The following CYFIP1 variants were observed in gnomAD, a reference collection of about 807,000 sequenced individuals.
CYFIP1 encodes the protein cytoplasmic FMR1-interacting protein 1.
A neutral mutation model predicts 163.5 loss-of-function variants in CYFIP1; 58 were observed. The ratio of observed to expected loss-of-function variants is 0.35; its 90% confidence interval spans 0.29 to 0.44. The LOEUF (loss-of-function observed/expected upper bound fraction) is 0.44. CYFIP1 is among the 20% of genes least tolerant of loss of function. The pLI is 1.00. For synonymous variants in CYFIP1, 663 were observed against 660.7 expected, an observed-to-expected ratio of 1.00 and a Z score of -0.05; for missense variants, 1,338 against 1,653.8, an observed-to-expected ratio of 0.81 and a Z score of 3.31.
intron 1 of CYFIP1, among the ~76,000 whole-genome samples, chr15:22,960,086 G>A (rs1190215911): frequency 6.6e-6 from 1 of 152,200 alleles, no homozygotes; most frequent in Admixed American, 6.5e-5. Context: ...CGCCTGGCCT[G>A]TGGGCCGAGT....
chr15:22,923,492 C>A (rs2061255127), intron 13 of CYFIP1, among the ~76,000 whole-genome samples: 1 of 152,146 alleles, frequency 6.6e-6, no homozygotes, highest in African/African-American at 2.4e-5. Flanking sequence ...TGTGGGGAAA[C>A]TGGAGCCCTC....
In CYFIP1 at chr15:22,875,180, T is replaced by C. The variant is rs774998725; in HGVS notation, c.3115+19A>G. The C allele has an allele frequency of 3.1e-6, 5 of 1,612,896 alleles. No homozygotes were observed. The highest frequency in any genetic ancestry group is 4.2e-6 in the Non-Finnish European group (5 of 1,178,992). On this transcript the variant is annotated intron_variant, in intron 27 of 30. Coordinates refer to ENST00000617928, the MANE Select transcript of CYFIP1 (RefSeq NM_014608.6). ...ACAGAGGGCAGTCTGGACTCCCTGG[T>C]GGGGGTCAGCAGGCTCACCTTTCAC... is the stretch of plus-strand genomic sequence containing the variant.
intron 11 of CYFIP1, among the ~76,000 whole-genome samples, chr15:22,928,336 C>T (rs111343825): frequency 0.21 from 32,498 of 151,916 alleles, 3,969 homozygotes; most frequent in African/African-American, 0.32. Context: ...TGAGCCGACA[C>T]TGCGCCACTG....
At chr15:22,976,822 T>C (rs1401162078) in intron 1 of CYFIP1, among the ~76,000 whole-genome samples, 1 of 152,194 alleles carries the variant, frequency 6.6e-6, no homozygotes, top group Non-Finnish European at 1.5e-5. Context: ...ACAAGGACTG[T>C]TGTAAACAGA....
At position 22,871,677 on chromosome 15, in the gene CYFIP1, T is replaced by C. The variant is rs887834623; in HGVS notation, c.3597+1148A>G. ...ATATAGTCACAGTCAGGGAATGTTC[T>C]CTGGCCGGAGGCAGGAGAGACATGG... On this transcript the variant is annotated intron_variant, in intron 30 of 30. Transcript: ENST00000617928. Among the ~76,000 whole-genome samples the C allele has an allele frequency of 2.6e-5, 4 of 152,294 alleles. No homozygotes were observed. In the East Asian group the frequency reaches 7.7e-4, roughly 29 times the overall value.
chr15:22,872,250 G>A (rs1224931595), intron 30 of CYFIP1, among the ~76,000 whole-genome samples: 2 of 149,572 alleles, frequency 1.3e-5, no homozygotes, highest in East Asian at 1.9e-4. Flanking sequence ...AGCCAAGATC[G>A]TGGCATTGCA....
intron 10 of CYFIP1, 151 bp downstream of exon 10, chr15:22,933,651 C>T (rs769902824): frequency 4.9e-5 from 30 of 607,790 alleles, no homozygotes; most frequent in African/African-American, 7.5e-5. Flanking sequence ...TGTAAATAGC[C>T]GCATGTGGCA....
intron 1 of CYFIP1, among the ~76,000 whole-genome samples, chr15:22,952,947 C>T (rs1393138283): frequency 6.6e-6 from 1 of 152,192 alleles, no homozygotes; most frequent in Non-Finnish European, 1.5e-5. Context: ...GCTGTTCTCT[C>T]CTATTCTTCA....
intron 22 of CYFIP1, among the ~76,000 whole-genome samples, chr15:22,903,415 G>A (rs1230775575): frequency 2.6e-5 from 4 of 152,166 alleles, no homozygotes; most frequent in Non-Finnish European, 4.4e-5. Flanking sequence ...ATGCCAGCAC[G>A]GAAGCATAAG....
rs936328703 is a variant in CYFIP1 at position 22,873,735 on chromosome 15, G to C, written c.3211-6C>G. 6.2e-7 allele frequency: 1 copy of C among 1,608,922 alleles called. No individual in the cohort carries two copies. Among genetic ancestry groups the C allele is most frequent in the Non-Finnish European group, 8.5e-7 (1 of 1,176,386 alleles). ...TCTCTTGCGATGGCAATTTGCTGCA[G>C]AAAGGACAAGCCGTGGAATGCCGTG... is the stretch of plus-strand genomic sequence containing the variant. On this transcript the variant is annotated splice_polypyrimidine_tract_variant and splice_region_variant and intron_variant, in intron 28 of 30. Transcript: ENST00000617928.
chr15:22,944,646 TC>T lies in CYFIP1; in HGVS notation c.298del (p.Glu100SerfsTer23). The T allele has an allele frequency of 6.2e-7, 1 of 1,613,702 alleles. No homozygotes were observed. Among genetic ancestry groups the T allele is most frequent in the Non-Finnish European group, 8.5e-7 (1 of 1,179,548 alleles). On this transcript the variant is annotated frameshift_variant, in exon 5 of 31. Coordinates refer to ENST00000617928, the MANE Select transcript of CYFIP1 (RefSeq NM_014608.6). LOFTEE classifies it high-confidence loss of function. ...SRAIPQVKCNEQPNRVEIYEK... is the reference protein window; with the variant it reads ...SRAIPQVKCNXQPNRVEIYEK... The stretch of plus-strand genomic sequence containing the variant: ...GTAGATTTCCACTCTGTTAGGCTGC[TC>T]GTTACATTTCACCTGGGAATAAAGG...
intron 1 of CYFIP1, among the ~76,000 whole-genome samples, chr15:22,967,256 T>G (rs1441124264): frequency 6.6e-6 from 1 of 152,114 alleles, no homozygotes; most frequent in East Asian, 1.9e-4. Flanking sequence ...TTTATAAATC[T>G]TGGAGAGTCT....
chr15:22,977,302 C>T, intron 1 of CYFIP1, among the ~76,000 whole-genome samples: 1 of 152,166 alleles, frequency 6.6e-6, no homozygotes, highest in Middle Eastern at 3.4e-3. Flanking sequence ...TCATAGATTC[C>T]CTGGATTTTC....
chr15:22,873,385 T>C (rs1301805371), intron 29 of CYFIP1, 106 bp downstream of exon 29: 4 of 933,166 alleles, frequency 4.3e-6, no homozygotes, highest in Non-Finnish European at 3.3e-6. Flanking sequence ...GAGTTTCTGG[T>C]CCACTTCCTG....
chr15:22,869,938 G>C lies in CYFIP1; in HGVS notation c.*90C>G. 1 of 1,254,188 alleles carries C rather than the reference G, an allele frequency of 8.0e-7. No homozygotes were observed. 77.7% of individuals were successfully genotyped at this position (1,254,188 alleles called of 1,614,324 possible). On this transcript the variant is annotated 3_prime_UTR_variant, in exon 31 of 31. Transcript: ENST00000617928. ...AAGCACCCCCTTTAACAGGTACAGA[G>C]ATACTGAAAAATAGTCCCTAAAAAT... is the stretch of plus-strand genomic sequence containing the variant.
Position 22,926,062 on chromosome 15 carries a change from C to T in CYFIP1, c.1279G>A (p.Asp427Asn). The change falls in exon 13 of 31, where the codon GAC becomes AAC. Residue 427 changes from aspartate to asparagine, a missense_variant. Asp to Asn is a conservative substitution (Grantham distance 23). Coordinates refer to ENST00000617928, the MANE Select transcript of CYFIP1 (RefSeq NM_014608.6). The part of the protein sequence containing the change: ...VHPTDKYSNK[D>N]CPDSAEEYER... Reference sequence around the variant, plus strand: ...TACTCTTCAGCGCTGTCGGGGCAGTCCTTGTTGGAGTACTTGTCGGTGGGG... The same window carrying T: ...TACTCTTCAGCGCTGTCGGGGCAGTTCTTGTTGGAGTACTTGTCGGTGGGG... 6.2e-7 allele frequency: 1 copy of T among 1,614,146 alleles called. No individual in the cohort carries two copies. Among genetic ancestry groups the T allele is most frequent in the Non-Finnish European group, 8.5e-7 (1 of 1,180,026 alleles).
chr15:22,924,883 G>A (rs1181555254), intron 13 of CYFIP1, among the ~76,000 whole-genome samples: 1 of 151,974 alleles, frequency 6.6e-6, no homozygotes, highest in East Asian at 1.9e-4. Context: ...ACGAACCCGG[G>A]CAACTTGGTG....
chr15:22,911,239 T>C lies in CYFIP1; in HGVS notation c.2083-426A>G, dbSNP rs553474270. Among the ~76,000 whole-genome samples, 16 of 152,120 alleles carry C rather than the reference T, an allele frequency of 1.1e-4. 1 individual carries two copies. Among genetic ancestry groups the C allele is most frequent in the African/African-American group, 3.6e-4 (15 of 41,534 alleles). ...TACTGTCCAACAACAGCACACTAAA[T>C]AAACTGCAGTGTGGCCAGGAGTGAC... On this transcript the variant is annotated intron_variant, in intron 18 of 30. Coordinates refer to ENST00000617928, the MANE Select transcript of CYFIP1 (RefSeq NM_014608.6).
chr15:22,907,527 G>C (rs2060624695), intron 21 of CYFIP1, among the ~76,000 whole-genome samples: 1 of 152,200 alleles, frequency 6.6e-6, no homozygotes, highest in Non-Finnish European at 1.5e-5. Context: ...CTCAGACCCA[G>C]AGCTCCTTGG....
Sources: gnomAD v4.1 joint callset for allele counts (sites outside exome capture counted in the v4.1 genomes callset) on GRCh38, gnomAD v4.1.1 for gene constraint, MANE v1.5 for transcripts, NCBI Gene and HGNC (gene_info 2026-07-23, HGNC 2026-07-21) for gene names.